Variants in BTC observed in about 807,000 individuals in gnomAD.
BTC encodes probetacellulin.
In BTC, 13 loss-of-function variants were observed where a neutral mutation model predicts 18.1. That is an observed-to-expected ratio of 0.72 (90% CI 0.47 to 1.14). The LOEUF (loss-of-function observed/expected upper bound fraction) is 1.14, where lower values mean the gene tolerates loss of function less well. Ranked by LOEUF, BTC falls within the 50% of genes most tolerant of loss-of-function variation. BTC has a pLI of 0.00. For synonymous variants in BTC, 83 were observed against 79.4 expected (o/e 1.05, Z -0.24); for missense variants, 247 against 224.2 (o/e 1.10, Z -0.65).
At chr4:74,749,679 G>GTTTTT (rs368443449) in intron 4 of BTC, among the ~76,000 whole-genome samples, 29 of 77,820 alleles carry the variant, frequency 3.7e-4, no homozygotes, top group South Asian at 1.1e-3. Context: ...TAATAAGATA[G>GTTTTT]TTTTTTTTGT....
At chr4:74,787,326 T>C (rs1270168304) in intron 1 of BTC, among the ~76,000 whole-genome samples, 2 of 152,162 alleles carry the variant, frequency 1.3e-5, no homozygotes, top group Non-Finnish European at 2.9e-5. Flanking sequence ...AAAGAAAATG[T>C]AGAGAATAAA....
In BTC at chr4:74,748,081, G is replaced by A. The variant is rs1175256442; in HGVS notation, c.497C>T (p.Thr166Ile). 1.2e-6 allele frequency: 2 copies of A among 1,609,238 alleles called. No individual in the cohort carries two copies. The highest frequency in any genetic ancestry group is 1.7e-6 in the Non-Finnish European group (2 of 1,177,340). Residue 166 changes from threonine (T) to isoleucine (I), a missense_variant, in exon 5 of 6, where the codon ACT becomes ATT. By Grantham distance (89) the Thr-to-Ile change is moderately conservative (BLOSUM62 -1). Coordinates refer to ENST00000395743, the MANE Select transcript of BTC (RefSeq NM_001729.4). ...CTCTTCAATATCTTCATTGATAGGA[G>A]TTATATCTTTACCCAGAGTTTCCAT... ...EEMETLGKDI[T>I]PINEDIEETN...
chr4:74,776,484 C>A (rs1308447583), intron 1 of BTC, among the ~76,000 whole-genome samples: 2 of 152,140 alleles, frequency 1.3e-5, no homozygotes, highest in Non-Finnish European at 2.9e-5. Context: ...TCCAATTGTA[C>A]TTCAGTGAAT....
intron 1 of BTC, among the ~76,000 whole-genome samples, chr4:74,783,876 C>T (rs181953686): frequency 1.3e-5 from 2 of 152,032 alleles, no homozygotes; most frequent in Admixed American, 1.3e-4. Flanking sequence ...CTTTGTGTAG[C>T]AATTGTGAAT....
At chr4:74,769,901 G>A (rs1724994142) in intron 2 of BTC, among the ~76,000 whole-genome samples, 157 bp downstream of exon 2, 1 of 152,138 alleles carries the variant, frequency 6.6e-6, no homozygotes, top group South Asian at 2.1e-4. Context: ...TCTAGCTCAG[G>A]GGGCTCTTGT....
At position 74,794,316 on chromosome 4, in the gene BTC, C is replaced by T. The variant is rs1391825377; in HGVS notation, c.10G>A (p.Ala4Thr). The T allele has an allele frequency of 1.3e-6, 2 of 1,547,220 alleles. No homozygotes were observed. Among genetic ancestry groups the T allele is most frequent in the Non-Finnish European group, 1.7e-6 (2 of 1,145,976 alleles). Reference protein sequence around the residue: MDRAARCSGASSLP... With the variant: MDRTARCSGASSLP... ...GAGCTGGCGCCGCTGCACCGGGCGG[C>T]CCGGTCCATCAACCCCGCTCTGCCG... The change falls in exon 1 of 6, where the codon GCC becomes ACC. Residue 4 changes from alanine (A) to threonine (T), a missense_variant. Ala to Thr is a moderately conservative substitution (Grantham distance 58). Coordinates refer to ENST00000395743, the MANE Select transcript of BTC (RefSeq NM_001729.4).
intron 4 of BTC, among the ~76,000 whole-genome samples, chr4:74,748,940 T>C (rs1182291212): frequency 6.6e-6 from 1 of 152,218 alleles, no homozygotes; most frequent in Non-Finnish European, 1.5e-5. Flanking sequence ...ACTGATTCTC[T>C]GCCCTAAACC....
intron 1 of BTC, among the ~76,000 whole-genome samples, chr4:74,787,516 A>G (rs7686578): frequency 0.18 from 26,863 of 151,978 alleles, 3,889 homozygotes; most frequent in African/African-American, 0.41. Flanking sequence ...AAGGTTAGCC[A>G]TCTTGAGCAA....
intron 2 of BTC, among the ~76,000 whole-genome samples, chr4:74,764,323 A>G (rs1425961924): frequency 6.6e-6 from 1 of 152,226 alleles, no homozygotes; most frequent in East Asian, 1.9e-4. Flanking sequence ...TGGCACGCTA[A>G]GACCAGGCAG....
intron 2 of BTC, among the ~76,000 whole-genome samples, chr4:74,765,537 A>G (rs1328385198): frequency 1.3e-5 from 2 of 152,180 alleles, no homozygotes; most frequent in African/African-American, 4.8e-5. Flanking sequence ...TAGTAGTCCA[A>G]GAGGGAAAAT....
At position 74,749,685 on chromosome 4, in the gene BTC, T is replaced by G. The variant is rs538724541; in HGVS notation, c.428+888A>C. ...ATACCACTTTAATAAGATAGTTTTTTTTGTTGTTGTTGTTGTTGTTGTTGT... is the reference window on the plus strand; with the variant it reads ...ATACCACTTTAATAAGATAGTTTTTGTTGTTGTTGTTGTTGTTGTTGTTGT... On this transcript the variant is annotated intron_variant, in intron 4 of 5. Coordinates refer to ENST00000395743, the MANE Select transcript of BTC (RefSeq NM_001729.4). Among the ~76,000 whole-genome samples, 113 of 124,992 alleles carry G rather than the reference T, an allele frequency of 9.0e-4. 1 individual carries two copies. The highest frequency in any genetic ancestry group is 3.8e-3 in the Middle Eastern group (1 of 260). The allele number at this position is 124,992 out of a possible 152,430, so 82.0% of individuals were successfully genotyped here.
chr4:74,759,289 A>G (rs1450621162), intron 2 of BTC, among the ~76,000 whole-genome samples: 1 of 152,204 alleles, frequency 6.6e-6, no homozygotes, highest in Admixed American at 6.5e-5. Context: ...AGTGAATGAC[A>G]TAGTCTTGAA....
intron 1 of BTC, among the ~76,000 whole-genome samples, chr4:74,779,688 C>T (rs895866810): frequency 2.6e-5 from 4 of 151,834 alleles, no homozygotes; most frequent in Non-Finnish European, 4.4e-5. Flanking sequence ...GGTCTCTGAC[C>T]CATGAGGAAA....
chr4:74,763,017 G>A (rs1724804262), intron 2 of BTC, among the ~76,000 whole-genome samples: 1 of 152,068 alleles, frequency 6.6e-6, no homozygotes, highest in Non-Finnish European at 1.5e-5. Flanking sequence ...AAATAATTAA[G>A]CATTTTTGCT....
At chr4:74,756,539 T>G (rs1295593488) in intron 2 of BTC, among the ~76,000 whole-genome samples, 3 of 152,134 alleles carry the variant, frequency 2.0e-5, no homozygotes, top group Non-Finnish European at 4.4e-5. Context: ...ATCACACAGA[T>G]AGAAAGTGGA....
intron 4 of BTC, among the ~76,000 whole-genome samples, chr4:74,748,766 G>T (rs1054453548): frequency 1.3e-5 from 2 of 152,128 alleles, no homozygotes; most frequent in African/African-American, 4.8e-5. Flanking sequence ...AGTACAAATT[G>T]GAAACAGGCA....
At chr4:74,765,758 A>T (rs1724884822) in intron 2 of BTC, among the ~76,000 whole-genome samples, 1 of 152,194 alleles carries the variant, frequency 6.6e-6, no homozygotes, top group Non-Finnish European at 1.5e-5. Flanking sequence ...CTTTTCACGC[A>T]CAAAGAAACC....
chr4:74,774,920 GAAAAAAGA>G (rs1019143766), intron 1 of BTC, among the ~76,000 whole-genome samples: 4 of 151,988 alleles, frequency 2.6e-5, no homozygotes, highest in African/African-American at 9.7e-5. Context: ...CAGGTATGCA[GAAAAAAGA>G]AAGGCCTATG....
At chr4:74,762,511 CTTG>C (rs753017613) in intron 2 of BTC, among the ~76,000 whole-genome samples, 6 of 151,626 alleles carry the variant, frequency 4.0e-5, no homozygotes, top group Non-Finnish European at 8.8e-5. Flanking sequence ...TAAAAGTGTA[CTTG>C]TTGATGATGA....
Sources: gnomAD v4.1 joint callset for allele counts (sites outside exome capture counted in the v4.1 genomes callset) on GRCh38, gnomAD v4.1.1 for gene constraint, MANE v1.5 for transcripts, NCBI Gene and HGNC (gene_info 2026-07-23, HGNC 2026-07-21) for gene names.